HDAC9: variants seen among roughly 807,000 people sequenced by gnomAD.
HDAC9 encodes the protein histone deacetylase 9.
Under a neutral mutation model 139.4 loss-of-function variants are expected in HDAC9, and 41 were observed. That is an observed-to-expected ratio of 0.29 (90% CI 0.23 to 0.38). HDAC9 has a LOEUF of 0.38. Among genes scored for constraint, HDAC9 ranks in the 10% least tolerant of loss-of-function variants. The probability of loss-of-function intolerance (pLI) is 1.00; values close to 1 mark genes in which losing one functional copy is unlikely to be tolerated. For synonymous variants in HDAC9, 517 were observed against 476.2 expected, an observed-to-expected ratio of 1.09 and a Z score of -1.12; for missense variants, 1,147 against 1,297.0, an observed-to-expected ratio of 0.88 and a Z score of 1.78.
At chr7:18,919,201 A>C (rs541765948) in intron 22 of HDAC9, among the ~76,000 whole-genome samples, 2 of 152,198 alleles carry the variant, frequency 1.3e-5, no homozygotes, top group South Asian at 4.1e-4. Flanking sequence ...ATCATTTCCA[A>C]GGAGTTGCCC....
intron 16 of HDAC9, among the ~76,000 whole-genome samples, chr7:18,778,783 A>T (rs997701795): frequency 6.6e-6 from 1 of 152,066 alleles, no homozygotes; most frequent in African/African-American, 2.4e-5. Context: ...CGCCAGAGCA[A>T]ACATATTCCT....
In HDAC9 at chr7:18,789,967, G is replaced by A. The variant is rs557043756; in HGVS notation, c.2215-3378G>A. On this transcript the variant is annotated intron_variant, in intron 16 of 25. Coordinates refer to ENST00000686413, the MANE Select transcript of HDAC9 (RefSeq NM_178425.4). ...GGAGAGATTGACAACCAATGAGAGG[G>A]ACAAAGAGGGAGGAAAAATATTTTT... is the stretch of plus-strand genomic sequence containing the variant. Among the ~76,000 whole-genome samples, 19 of 152,274 alleles carry A rather than the reference G, an allele frequency of 1.2e-4. No individual in the cohort carries two copies. The East Asian group carries it at 3.5e-3, about 28-fold the overall frequency.
intron 1 of HDAC9, among the ~76,000 whole-genome samples, chr7:18,419,551 A>G (rs1653050029): frequency 6.6e-6 from 1 of 152,160 alleles, no homozygotes; most frequent in African/African-American, 2.4e-5. Context: ...CGCTATTCAC[A>G]ATCTCCAAAG....
intron 12 of HDAC9, among the ~76,000 whole-genome samples, chr7:18,702,217 A>G (rs1453594851): frequency 6.6e-6 from 1 of 152,266 alleles, no homozygotes; most frequent in South Asian, 2.1e-4. Flanking sequence ...ATTTCCCTGC[A>G]TCTGCTTTTT....
chr7:18,161,231 T>C (rs937634009), intron 1 of HDAC9, among the ~76,000 whole-genome samples: 18 of 152,226 alleles, frequency 1.2e-4, no homozygotes, highest in African/African-American at 4.3e-4. Flanking sequence ...TTAGAGACCA[T>C]ATAAGTATTA....
intron 2 of HDAC9, among the ~76,000 whole-genome samples, chr7:18,267,901 G>A (rs909159319): frequency 2.6e-5 from 4 of 151,946 alleles, no homozygotes; most frequent in African/African-American, 9.7e-5. Context: ...ATAAATATTA[G>A]GCAGATACCT....
chr7:18,646,219 AT>A (rs1490536275), intron 9 of HDAC9, among the ~76,000 whole-genome samples: 1 of 152,082 alleles, frequency 6.6e-6, no homozygotes, highest in African/African-American at 2.4e-5. Context: ...ATGAATAGGC[AT>A]TTTATTTTTA....
Position 18,396,117 on chromosome 7 carries a change from CCCTTCCCTTCCCTTG to C in HDAC9, c.-41-100133_-41-100119del, listed in dbSNP as rs1379236469. 6.9e-3 allele frequency among the ~76,000 whole-genome samples: 863 copies of C among 124,564 alleles called. 17 individuals are homozygous for C. The highest frequency in any genetic ancestry group is 0.025 in the African/African-American group (818 of 32,912). 81.7% of individuals were successfully genotyped at this position (124,564 alleles called of 152,430 possible). ...CCCTTCCCTTCCCTTCCCTTCCCTT[CCCTTCCCTTCCCTTG>C]CCTTCCCTTCCTTCTTTCCTTGTTT... On this transcript the variant is annotated intron_variant, in intron 1 of 3. Transcript: ENST00000413509.
rs185002259 is a variant in HDAC9, at chr7:18,829,125, A to T, written c.2323-36A>T. 19 of 1,492,814 alleles carry T rather than the reference A, an allele frequency of 1.3e-5. No individual in the cohort carries two copies. The African/African-American group carries it at 1.7e-4, about 13-fold the overall frequency. 92.5% of individuals were successfully genotyped at this position (1,492,814 alleles called of 1,614,324 possible). A position where few individuals can be genotyped will look rare whatever the true frequency, so the allele number is the denominator to read the frequency against. On this transcript the variant is annotated intron_variant, in intron 17 of 25. Coordinates refer to ENST00000686413, the MANE Select transcript of HDAC9 (RefSeq NM_178425.4). ...CAATCCCTCTCCTACCCTCTCCATT[A>T]TATCTGACCATTGAAAACCTGTCTT...
intron 1 of HDAC9, among the ~76,000 whole-genome samples, chr7:18,346,045 A>G (rs938526341): frequency 7.2e-5 from 11 of 152,138 alleles, no homozygotes; most frequent in African/African-American, 2.4e-4. Flanking sequence ...AAGTAGACCA[A>G]TGCTAATTTA....
At chr7:18,297,216 G>A (rs2960781) in intron 1 of HDAC9, among the ~76,000 whole-genome samples, 46,280 of 152,062 alleles carry the variant, frequency 0.3, 9,181 homozygotes, top group African/African-American at 0.56. Context: ...AGCTTTTGCT[G>A]TGGCTTTTGC....
chr7:18,716,998 T>A (rs2129119763), intron 12 of HDAC9, among the ~76,000 whole-genome samples: 1 of 151,482 alleles, frequency 6.6e-6, no homozygotes, highest in African/African-American at 2.4e-5. Context: ...CACTTTTTTT[T>A]TTTTTTTTTT....
intron 1 of HDAC9, among the ~76,000 whole-genome samples, chr7:18,475,512 C>T (rs573525000): frequency 1.3e-5 from 2 of 152,174 alleles, no homozygotes; most frequent in Middle Eastern, 3.4e-3. Context: ...TTCTGTAGCC[C>T]CAAACAAGGC....
intron 1 of HDAC9, among the ~76,000 whole-genome samples, chr7:18,482,684 A>AT (rs1240920869): frequency 6.6e-6 from 1 of 152,072 alleles, no homozygotes; most frequent in African/African-American, 2.4e-5. Context: ...TTTTTAAGAC[A>AT]TTTTTTTGGA....
At chr7:18,098,037 A>T (rs1782620853) in intron 1 of HDAC9, among the ~76,000 whole-genome samples, 1 of 152,196 alleles carries the variant, frequency 6.6e-6, no homozygotes, top group Non-Finnish European at 1.5e-5. Context: ...TTCTTTGCTT[A>T]TCTTGCCCTT....
At chr7:18,298,736 C>T (rs1015611036) in intron 1 of HDAC9, among the ~76,000 whole-genome samples, 1 of 152,130 alleles carries the variant, frequency 6.6e-6, no homozygotes, top group Non-Finnish European at 1.5e-5. Flanking sequence ...AGTGTTGCTA[C>T]ATAGGACACT....
intron 12 of HDAC9, among the ~76,000 whole-genome samples, chr7:18,676,757 T>G (rs901145127): frequency 2.3e-4 from 35 of 151,960 alleles, no homozygotes; most frequent in Non-Finnish European, 4.4e-5. Context: ...ATATATTTTA[T>G]GTCTTTATAT....
At chr7:18,770,121 A>G (rs1790163983) in intron 16 of HDAC9, among the ~76,000 whole-genome samples, 1 of 152,124 alleles carries the variant, frequency 6.6e-6, no homozygotes, top group Non-Finnish European at 1.5e-5. Context: ...TGCACATGGT[A>G]ATTTACTGTT....
chr7:18,967,149 T>G (rs1168320392), intron 24 of HDAC9, among the ~76,000 whole-genome samples: 1 of 152,186 alleles, frequency 6.6e-6, no homozygotes, highest in East Asian at 1.9e-4. Flanking sequence ...ATTTAGTTAT[T>G]ATTGACCAAA....
Sources: allele counts gnomAD v4.1 joint callset (sites outside exome capture counted in the v4.1 genomes callset), GRCh38; gene constraint gnomAD v4.1.1; transcripts MANE v1.5; gene names NCBI Gene and HGNC (gene_info 2026-07-23, HGNC 2026-07-21).